The following KIAA1328 variants were observed in gnomAD, a reference collection of about 807,000 sequenced individuals.
KIAA1328 encodes KIAA1328, also known as protein hinderin.
A neutral mutation model predicts 68.1 loss-of-function variants in KIAA1328; 52 were observed. That is an observed-to-expected ratio of 0.76 (90% CI 0.61 to 0.96). KIAA1328 has a LOEUF of 0.96. Ranked by LOEUF, KIAA1328 falls within the 40% of genes least tolerant of loss-of-function variation. The pLI, the probability that KIAA1328 is intolerant of heterozygous loss-of-function variation, is 0.00. For synonymous variants in KIAA1328, 232 were observed against 239.4 expected, an observed-to-expected ratio of 0.97 and a Z score of 0.28; for missense variants, 641 against 677.6, an observed-to-expected ratio of 0.95 and a Z score of 0.60.
chr18:37,112,195 T>G (rs938769835), intron 7 of KIAA1328, among the ~76,000 whole-genome samples: 1 of 152,172 alleles, frequency 6.6e-6, no homozygotes, highest in Non-Finnish European at 1.5e-5. Flanking sequence ...GCACGGAGTT[T>G]GAGATCTGAG....
At chr18:37,012,721 C>G (rs1277404794) in intron 6 of KIAA1328, among the ~76,000 whole-genome samples, 1 of 152,158 alleles carries the variant, frequency 6.6e-6, no homozygotes, top group Non-Finnish European at 1.5e-5. Context: ...TAATTGCACT[C>G]TGGAGTGTAG....
At position 37,222,138 on chromosome 18, in the gene KIAA1328, C is replaced by G. The variant is rs1297660561; in HGVS notation, c.1645C>G (p.Leu549Val). The stretch of plus-strand genomic sequence containing the variant: ...TCATGGTACTTTCCGACTCAGTCCT[C>G]TAAAATCAACCCGGAAGAAGATGGG... The part of the protein sequence containing the change: ...WNHGTFRLSP[L>V]KSTRKKMGMH... The change falls in exon 10 of 10, where the codon CTA becomes GTA. Residue 549 changes from leucine to valine, a missense_variant. By Grantham distance (32) the Leu-to-Val change is conservative (BLOSUM62 1). Transcript: ENST00000280020. 6.2e-7 allele frequency: 1 copy of G among 1,611,394 alleles called. No homozygotes were observed. The highest frequency in any genetic ancestry group is 1.1e-5 in the South Asian group (1 of 90,366).
rs1362739267 is a variant in KIAA1328, at chr18:37,223,119, TAG to T, written c.*901_*902del. The T allele has an allele frequency of 3.1e-6, 3 of 957,338 alleles. No homozygotes were observed. The highest frequency in any genetic ancestry group is 5.0e-5 in the South Asian group (1 of 19,992). The allele number at this position is 957,338 out of a possible 1,614,324, so 59.3% of individuals were successfully genotyped here. On this transcript the variant is annotated 3_prime_UTR_variant, in exon 10 of 10. Transcript: ENST00000280020. Reference sequence around the variant, plus strand: ...TGGTTATGTCTACGGAAAATGCCACTAGAGAGAGAGTGATGCAAGCTGCTGCA... The same window carrying T: ...TGGTTATGTCTACGGAAAATGCCACTAGAGAGAGTGATGCAAGCTGCTGCA...
chr18:37,039,433 A>G (rs1011597172), intron 6 of KIAA1328, among the ~76,000 whole-genome samples: 1 of 137,586 alleles, frequency 7.3e-6, no homozygotes, highest in Non-Finnish European at 1.6e-5. Flanking sequence ...TTTTTTTTTG[A>G]GGCGGAATCT....
intron 6 of KIAA1328, among the ~76,000 whole-genome samples, chr18:37,036,982 T>C (rs1363203970): frequency 6.6e-6 from 1 of 152,176 alleles, no homozygotes; most frequent in Non-Finnish European, 1.5e-5. Flanking sequence ...ATATTAAAAT[T>C]TTCTTGTAGT....
At chr18:36,905,605 A>G (rs2049191144) in intron 5 of KIAA1328, among the ~76,000 whole-genome samples, 1 of 152,178 alleles carries the variant, frequency 6.6e-6, no homozygotes, top group Non-Finnish European at 1.5e-5. Context: ...AATTTTTAAA[A>G]AAATGTTGCT....
chr18:37,078,425 A>T (rs2056827508), intron 7 of KIAA1328, among the ~76,000 whole-genome samples: 1 of 152,010 alleles, frequency 6.6e-6, no homozygotes, highest in South Asian at 2.1e-4. Context: ...ATGGGCAAGG[A>T]CTTCATGTCG....
At chr18:37,120,574 G>T (rs1239317039) in intron 7 of KIAA1328, among the ~76,000 whole-genome samples, 3 of 152,168 alleles carry the variant, frequency 2.0e-5, no homozygotes, top group Non-Finnish European at 4.4e-5. Flanking sequence ...TGTAAGAAAT[G>T]ATGAATAGTT....
chr18:36,901,992 C>T (rs1159839137), intron 5 of KIAA1328: 1 of 151,522 alleles, frequency 6.6e-6, no homozygotes, highest in African/African-American at 2.4e-5. Context: ...TCATTTTTTT[C>T]TCTATAATCT....
At chr18:37,059,177 C>T (rs576138557) in intron 6 of KIAA1328, among the ~76,000 whole-genome samples, 1 of 151,894 alleles carries the variant, frequency 6.6e-6, no homozygotes, top group Non-Finnish European at 1.5e-5. Context: ...TAATAACTAC[C>T]TTACAGAATT....
intron 6 of KIAA1328, among the ~76,000 whole-genome samples, chr18:37,036,390 G>C (rs2055029092): frequency 6.6e-6 from 1 of 152,172 alleles, no homozygotes; most frequent in African/African-American, 2.4e-5. Context: ...TAGCTACTAA[G>C]CCTGATATAG....
At chr18:37,152,006 A>G (rs1025133248) in intron 7 of KIAA1328, among the ~76,000 whole-genome samples, 2 of 150,560 alleles carry the variant, frequency 1.3e-5, no homozygotes, top group Non-Finnish European at 3.0e-5. Flanking sequence ...CCTTAGGAGT[A>G]GCCCAGTCAT....
intron 4 of KIAA1328, among the ~76,000 whole-genome samples, chr18:36,846,973 T>C (rs1010038997): frequency 6.6e-6 from 1 of 151,584 alleles, no homozygotes; most frequent in Non-Finnish European, 1.5e-5. Flanking sequence ...ATCACTTTTC[T>C]GTGTGTCTCT....
chr18:37,045,267 A>T (rs1039996080), intron 6 of KIAA1328, among the ~76,000 whole-genome samples: 3 of 152,206 alleles, frequency 2.0e-5, no homozygotes, highest in African/African-American at 4.8e-5. Flanking sequence ...GCAACTTCTC[A>T]GCTACACTTG....
At chr18:36,851,330 T>G (rs1363499537) in intron 4 of KIAA1328, among the ~76,000 whole-genome samples, 1 of 152,172 alleles carries the variant, frequency 6.6e-6, no homozygotes, top group Non-Finnish European at 1.5e-5. Context: ...ATAACATGAA[T>G]TAGAAAGTAT....
At chr18:36,877,516 T>G (rs1001657539) in intron 4 of KIAA1328, among the ~76,000 whole-genome samples, 6 of 89,822 alleles carry the variant, frequency 6.7e-5, no homozygotes, top group African/African-American at 5.1e-4. Context: ...TTTTGTTGGT[T>G]TTTTTTTTTT....
chr18:36,985,302 A>G (rs1462366563), intron 6 of KIAA1328, among the ~76,000 whole-genome samples: 1 of 152,208 alleles, frequency 6.6e-6, no homozygotes, highest in Admixed American at 6.5e-5. Context: ...CTTGTCTCAA[A>G]AAATAAAGAT....
chr18:37,209,956 A>G (rs1277861064), intron 9 of KIAA1328, among the ~76,000 whole-genome samples: 1 of 152,204 alleles, frequency 6.6e-6, no homozygotes, highest in Non-Finnish European at 1.5e-5. Flanking sequence ...TAGGAGAGCA[A>G]AGGACTGAGC....
At chr18:36,998,003 C>G (rs2053455535) in intron 6 of KIAA1328, among the ~76,000 whole-genome samples, 1 of 152,174 alleles carries the variant, frequency 6.6e-6, no homozygotes, top group Non-Finnish European at 1.5e-5. Context: ...GTGACAGAAG[C>G]TTCAGTGTGG....
Sources: gnomAD v4.1 joint callset for allele counts (sites outside exome capture counted in the v4.1 genomes callset) on GRCh38, gnomAD v4.1.1 for gene constraint, MANE v1.5 for transcripts, NCBI Gene and HGNC (gene_info 2026-07-23, HGNC 2026-07-21) for gene names.